The following PTPN21 variants were observed in gnomAD, a reference collection of about 807,000 sequenced individuals.
PTPN21 encodes protein tyrosine phosphatase non-receptor type 21, also known as tyrosine-protein phosphatase non-receptor type 21.
PTPN21 carries 77 observed loss-of-function variants against 131.8 expected under a neutral mutation model. That is an observed-to-expected ratio of 0.58 (90% CI 0.49 to 0.71). The LOEUF is 0.71. PTPN21 is among the 30% of genes least tolerant of loss of function. The pLI is 0.00. For missense variants in PTPN21, 1,552 were observed against 1,527.1 expected (o/e 1.02, Z -0.27); for synonymous variants, 715 against 621.3 (o/e 1.15, Z -2.24).
At chr14:88,505,529 TAA>T (rs575777578) in intron 4 of PTPN21, among the ~76,000 whole-genome samples, 158 bp from the exon 5 acceptor site, 317 of 152,346 alleles carry the variant, frequency 2.1e-3, no homozygotes, top group African/African-American at 7.1e-3. Context: ...AGTATCTTTT[TAA>T]AAGTGTTAAT....
rs374837291 is a variant in PTPN21 at position 88,504,514 on chromosome 14, GGTAA to G, written c.517-23_517-20del. 329 of 1,593,038 alleles carry G rather than the reference GGTAA, an allele frequency of 2.1e-4. 4 individuals are homozygous for G. In the African/African-American group the frequency reaches 4.0e-3, roughly 19 times the overall value. ...ACCATCCCTGAAGAAAACACACAGT[GGTAA>G]GTATGTGACAATTCACCCCAATTTC... is the stretch of plus-strand genomic sequence containing the variant. On this transcript the variant is annotated intron_variant, in intron 5 of 18. Coordinates refer to ENST00000556564, the MANE Select transcript of PTPN21 (RefSeq NM_007039.4).
chr14:88,500,150 C>CT (rs139708767), intron 8 of PTPN21, among the ~76,000 whole-genome samples: 51,965 of 152,022 alleles, frequency 0.34, 9,352 homozygotes, highest in African/African-American at 0.46. Context: ...GGAAAGAGCC[C>CT]TTCAGGCTGG....
chr14:88,515,376 C>G (rs911252934), intron 3 of PTPN21: 1 of 152,182 alleles, frequency 6.6e-6, no homozygotes, highest in African/African-American at 2.4e-5. Flanking sequence ...GATTATGGCA[C>G]AGGTATTCCT....
At chr14:88,535,047 A>C (rs563040294) in intron 2 of PTPN21, among the ~76,000 whole-genome samples, 1 of 152,290 alleles carries the variant, frequency 6.6e-6, no homozygotes, top group African/African-American at 2.4e-5. Flanking sequence ...TACCCTATAC[A>C]GGTGTACCTT....
intron 2 of PTPN21, among the ~76,000 whole-genome samples, chr14:88,517,874 T>C (rs1363987272): frequency 1.4e-5 from 2 of 146,606 alleles, no homozygotes; most frequent in East Asian, 4.0e-4. Flanking sequence ...TATATGTGTA[T>C]ATATACTATA....
chr14:88,479,179 A>G lies in PTPN21; in HGVS notation c.2252T>C (p.Leu751Pro), dbSNP rs897820261. The G allele has an allele frequency of 6.4e-7, 1 of 1,556,298 alleles. No individual in the cohort carries two copies. Among genetic ancestry groups the G allele is most frequent in the Non-Finnish European group, 8.7e-7 (1 of 1,154,572 alleles). The change falls in exon 13 of 19, where the codon CTC becomes CCC. Residue 751 changes from leucine to proline, a missense_variant. Leu to Pro is a moderately conservative substitution (Grantham distance 98). Transcript: ENST00000556564. The part of the protein sequence containing the change: ...QDPPGCPRVL[L>P]AGPLHILEPK... ...CTCCAGGATGTGCAGGGGCCCGGCG[A>G]GCAGGACGCGAGGGCAGCCAGGTGG...
Position 88,513,538 on chromosome 14 carries a change from C to T in PTPN21, c.350+3554G>A, listed in dbSNP as rs115389068. 132 of 152,312 alleles carry T rather than the reference C, an allele frequency of 8.7e-4. 2 individuals carry two copies. Among genetic ancestry groups the T allele is most frequent in the African/African-American group, 3.1e-3 (129 of 41,576 alleles). 9.4% of individuals were successfully genotyped at this position (152,312 alleles called of 1,614,324 possible). ...TAGTATCATAGCCAGTGAGGTTTAT[C>T]TGAGGCATGATTATCGACAATTGAA... On this transcript the variant is annotated intron_variant, in intron 3 of 18. Transcript: ENST00000556564.
intron 2 of PTPN21, among the ~76,000 whole-genome samples, chr14:88,521,591 T>C (rs1338546317): frequency 6.6e-6 from 1 of 151,422 alleles, no homozygotes; most frequent in Non-Finnish European, 1.5e-5. Flanking sequence ...TTTGCATTTT[T>C]TAGTAGAAAC....
chr14:88,533,458 C>T (rs1011193640), intron 2 of PTPN21, among the ~76,000 whole-genome samples: 2 of 152,188 alleles, frequency 1.3e-5, no homozygotes, highest in East Asian at 1.9e-4. Context: ...ACCTATCGTG[C>T]TACCAATTGC....
intron 10 of PTPN21, among the ~76,000 whole-genome samples, chr14:88,489,251 A>C (rs915743984): frequency 6.6e-6 from 1 of 152,212 alleles, no homozygotes; most frequent in Admixed American, 6.5e-5. Context: ...TGTATTTCTA[A>C]GCCTCGTCTG....
At position 88,469,862 on chromosome 14, in the gene PTPN21, GATTAAC is replaced by G. The variant is rs751114555; in HGVS notation, c.3000+54_3000+59del. 1 of 1,609,846 alleles carries G rather than the reference GATTAAC, an allele frequency of 6.2e-7. No homozygotes were observed. The highest frequency in any genetic ancestry group is 1.7e-5 in the Admixed American group (1 of 60,002). ...TTCTCCACAGGTCAGGATTCCAGAT[GATTAAC>G]ATTAACTGTTCTTCAGAGGCTGAGA... is the stretch of plus-strand genomic sequence containing the variant. On this transcript the variant is annotated intron_variant, in intron 16 of 18. Transcript: ENST00000556564. This position sits in a 1 kb window ranked among gnomAD's most constrained non-coding sequence, Gnocchi z 4.3.
chr14:88,533,999 AG>A (rs2078591134), intron 2 of PTPN21, among the ~76,000 whole-genome samples: 3 of 152,136 alleles, frequency 2.0e-5, no homozygotes, highest in Admixed American at 1.3e-4. Context: ...CAAGATGTGG[AG>A]GTGAAAGAAA....
At position 88,505,446 on chromosome 14, in the gene PTPN21, C is replaced by T. The variant is rs572845362; in HGVS notation, c.449-75G>A. ...AAAATATGCACAACAAAATTCAATA[C>T]GCAGTATATCTAGATGGTATGCTAA... is the stretch of plus-strand genomic sequence containing the variant. On this transcript the variant is annotated intron_variant, in intron 4 of 18. Transcript: ENST00000556564. 330 of 976,556 alleles carry T rather than the reference C, an allele frequency of 3.4e-4. 4 individuals carry two copies. The African/African-American group carries it at 4.1e-3, about 12-fold the overall frequency. 60.5% of individuals were successfully genotyped at this position (976,556 alleles called of 1,614,324 possible).
Position 88,502,954 on chromosome 14 carries a change from G to GT in PTPN21, c.587+1470dup, listed in dbSNP as rs373321029. ...GAGTGGAGAGAGACTAGAGGCAAAA[G>GT]TTTATTTTATTTGGAAGGGGATAAG... On this transcript the variant is annotated intron_variant, in intron 6 of 18. Coordinates refer to ENST00000556564, the MANE Select transcript of PTPN21 (RefSeq NM_007039.4). Among the ~76,000 whole-genome samples, 31 of 152,114 alleles carry GT rather than the reference G, an allele frequency of 2.0e-4. 1 individual carries two copies. The highest frequency in any genetic ancestry group is 7.2e-4 in the African/African-American group (30 of 41,492).
At chr14:88,471,704 C>G (rs957959537) in intron 15 of PTPN21, among the ~76,000 whole-genome samples, 1 of 152,122 alleles carries the variant, frequency 6.6e-6, no homozygotes, top group South Asian at 2.1e-4. Flanking sequence ...AGCCCAGACA[C>G]TTTTGTTACA....
rs1248984903 is a variant in PTPN21, at chr14:88,467,509, TAA to T, written c.*626_*627del. ...GTACAACTATATAGAATTTTTAGGA[TAA>T]AAAATGTTCTGGATAGAAAAATCCT... is the stretch of plus-strand genomic sequence containing the variant. On this transcript the variant is annotated 3_prime_UTR_variant, in exon 19 of 19. Coordinates refer to ENST00000556564, the MANE Select transcript of PTPN21 (RefSeq NM_007039.4). The T allele has an allele frequency of 1.3e-5, 2 of 152,192 alleles. No individual in the cohort carries two copies. Among genetic ancestry groups the T allele is most frequent in the African/African-American group, 4.8e-5 (2 of 41,458 alleles). The allele number at this position is 152,192 out of a possible 1,614,324, so 9.4% of individuals were successfully genotyped here.
chr14:88,496,615 A>G, intron 9 of PTPN21, 123 bp from the exon 10 acceptor site: 1 of 724,050 alleles, frequency 1.4e-6, no homozygotes, highest in Non-Finnish European at 2.4e-6. Flanking sequence ...TCAGAACACT[A>G]TAAGCCTTTC....
chr14:88,533,874 T>TA (rs1231968129), intron 2 of PTPN21, among the ~76,000 whole-genome samples: 3 of 151,110 alleles, frequency 2.0e-5, no homozygotes, highest in Non-Finnish European at 4.4e-5. Context: ...CTCTTTCAAA[T>TA]AAAAAAAACA....
intron 15 of PTPN21, among the ~76,000 whole-genome samples, chr14:88,471,740 A>G (rs1479848130): frequency 6.6e-6 from 1 of 152,170 alleles, no homozygotes; most frequent in Non-Finnish European, 1.5e-5. Context: ...GTATGTGATG[A>G]GGAAAAACTA....
Sources: allele counts gnomAD v4.1 joint callset (sites outside exome capture counted in the v4.1 genomes callset), GRCh38; gene constraint gnomAD v4.1.1; non-coding constraint Gnocchi (gnomAD v3.1); transcripts MANE v1.5; gene names NCBI Gene and HGNC (gene_info 2026-07-23, HGNC 2026-07-21).